The following MAPKAP1 variants were observed in gnomAD, a reference collection of about 807,000 sequenced individuals.
MAPKAP1 encodes target of rapamycin complex 2 subunit MAPKAP1.
A neutral mutation model predicts 65.7 loss-of-function variants in MAPKAP1; 20 were observed. The observed-to-expected ratio is 0.30, with a 90% CI of 0.21 to 0.44. MAPKAP1 has a LOEUF of 0.44. Among genes scored for constraint, MAPKAP1 ranks in the 20% least tolerant of loss-of-function variants. The pLI is 1.00. For missense variants in MAPKAP1, 423 were observed against 648.0 expected, an observed-to-expected ratio of 0.65 and a Z score of 3.77; for synonymous variants, 222 against 244.3, an observed-to-expected ratio of 0.91 and a Z score of 0.85.
chr9:125,526,644 C>G (rs1277883677), intron 7 of MAPKAP1, among the ~76,000 whole-genome samples: 1 of 152,152 alleles, frequency 6.6e-6, no homozygotes, highest in Non-Finnish European at 1.5e-5. Context: ...AGGGCGTTTT[C>G]AAATAGACAA....
intron 6 of MAPKAP1, among the ~76,000 whole-genome samples, chr9:125,547,871 C>T (rs1029246299): frequency 6.6e-6 from 1 of 152,166 alleles, no homozygotes; most frequent in Admixed American, 6.5e-5. Context: ...CAGGTATGTT[C>T]TGCCTCAACT....
intron 2 of MAPKAP1, among the ~76,000 whole-genome samples, chr9:125,672,022 C>T (rs1285663172): frequency 4.6e-5 from 7 of 152,134 alleles, no homozygotes; most frequent in East Asian, 3.9e-4. Flanking sequence ...CACTCAAAGC[C>T]AGTCCACTTG....
chr9:125,672,629 C>G lies in MAPKAP1; in HGVS notation c.-55G>C. ...CTATTTTCTCCTCTTCATATTGTTT[C>G]ACGAGCTCACCTACCTAGAAACATG... On this transcript the variant is annotated 5_prime_UTR_variant, in exon 2 of 12. Transcript: ENST00000265960. 1 of 1,581,368 alleles carries G rather than the reference C, an allele frequency of 6.3e-7. No individual in the cohort carries two copies. Among genetic ancestry groups the G allele is most frequent in the East Asian group, 2.2e-5 (1 of 44,616 alleles).
At chr9:125,594,802 C>A (rs1241528643) in intron 4 of MAPKAP1, among the ~76,000 whole-genome samples, 2 of 152,156 alleles carry the variant, frequency 1.3e-5, no homozygotes, top group African/African-American at 2.4e-5. Context: ...GGGTTTCATG[C>A]TAGCTGGCTA....
chr9:125,674,832 G>C (rs1177962116), intron 1 of MAPKAP1, among the ~76,000 whole-genome samples: 1 of 152,096 alleles, frequency 6.6e-6, no homozygotes, highest in Non-Finnish European at 1.5e-5. Context: ...AGGTATCCCT[G>C]AATCAAAAAG....
intron 7 of MAPKAP1, among the ~76,000 whole-genome samples, chr9:125,508,413 G>A (rs1259465500): frequency 6.6e-6 from 1 of 152,142 alleles, no homozygotes; most frequent in African/African-American, 2.4e-5. Context: ...AACCTGGAGG[G>A]CTGCTTTCTA....
chr9:125,693,846 T>TAC (rs1554844769), intron 1 of MAPKAP1, among the ~76,000 whole-genome samples: 2,456 of 135,518 alleles, frequency 0.018, 58 homozygotes, highest in South Asian at 0.053. Context: ...TATACACACA[T>TAC]ACACACACAC....
chr9:125,669,866 T>G lies in MAPKAP1; in HGVS notation c.301A>C (p.Ile101Leu). 1 of 1,598,482 alleles carries G rather than the reference T, an allele frequency of 6.3e-7. No homozygotes were observed. The highest frequency in any genetic ancestry group is 1.7e-5 in the Admixed American group (1 of 59,094). ...TTCCACTGAATATTTTTGCATTTGA[T>G]CTGGTTTTGTCTCTCTTTTCGGAGT... The part of the protein sequence containing the change: ...ERLRKERQNQ[I>L]KCKNIQWKER... The change falls in exon 3 of 12, where the codon ATC becomes CTC. Residue 101 changes from isoleucine to leucine, a missense_variant. Physicochemically the swap from Ile to Leu is conservative, Grantham distance 5. Transcript: ENST00000265960.
rs911722482 is a variant in MAPKAP1 at position 125,521,880 on chromosome 9, A to G, written c.959-15463T>C. The G allele has an allele frequency of 1.1e-5, 10 of 881,672 alleles. No homozygotes were observed. In the East Asian group the frequency reaches 2.5e-4, roughly 22 times the overall value. The allele number at this position is 881,672 out of a possible 1,614,324, so 54.6% of individuals were successfully genotyped here. On this transcript the variant is annotated intron_variant, in intron 7 of 11. Transcript: ENST00000265960. ...GTCAGTGGAGAGCAAGCTTAGAGCC[A>G]ATTGTTTTCAGTCAGCAGACTCTGT...
chr9:125,561,169 T>A (rs138876321), intron 5 of MAPKAP1, among the ~76,000 whole-genome samples: 14 of 152,376 alleles, frequency 9.2e-5, no homozygotes, highest in Non-Finnish European at 1.9e-4. Context: ...GATCATTTTT[T>A]GAATTAAATG....
intron 10 of MAPKAP1, among the ~76,000 whole-genome samples, chr9:125,452,177 C>T (rs1174021648): frequency 6.6e-6 from 1 of 151,930 alleles, no homozygotes; most frequent in Admixed American, 6.6e-5. Flanking sequence ...GGGCTCACTG[C>T]AATCTCTGTC....
intron 3 of MAPKAP1, among the ~76,000 whole-genome samples, chr9:125,664,633 G>A (rs1468281033): frequency 7.4e-6 from 1 of 135,822 alleles, no homozygotes; most frequent in Non-Finnish European, 1.5e-5. Flanking sequence ...GCTGAGGCAG[G>A]AGAATCATTT....
At chr9:125,508,254 T>C (rs1410333957) in intron 7 of MAPKAP1, among the ~76,000 whole-genome samples, 1 of 152,228 alleles carries the variant, frequency 6.6e-6, no homozygotes, top group Non-Finnish European at 1.5e-5. Context: ...CACCTGTCCA[T>C]GCCAACAATT....
intron 8 of MAPKAP1, among the ~76,000 whole-genome samples, chr9:125,490,830 C>G (rs1175909150): frequency 6.6e-6 from 1 of 152,068 alleles, no homozygotes; most frequent in Non-Finnish European, 1.5e-5. Flanking sequence ...AATAATGACA[C>G]TCTTCTCATT....
chr9:125,695,781 T>C (rs1207131105), intron 1 of MAPKAP1, among the ~76,000 whole-genome samples: 5 of 151,956 alleles, frequency 3.3e-5, no homozygotes, highest in African/African-American at 1.2e-4. Flanking sequence ...CAGCCTGGAA[T>C]GCAATGGCGC....
At chr9:125,630,411 C>A (rs1205855485) in intron 4 of MAPKAP1, among the ~76,000 whole-genome samples, 1 of 152,182 alleles carries the variant, frequency 6.6e-6, no homozygotes. Flanking sequence ...GGATTACAGG[C>A]ATCAGCCACC....
At chr9:125,551,862 G>A (rs541194874) in intron 6 of MAPKAP1, among the ~76,000 whole-genome samples, 1 of 152,204 alleles carries the variant, frequency 6.6e-6, no homozygotes, top group Non-Finnish European at 1.5e-5. Context: ...CCCTATCCTT[G>A]AGAGGCACTT....
In MAPKAP1 at chr9:125,447,888, C is replaced by A. The variant is rs1852779076; in HGVS notation, c.1346-3290G>T. Among the ~76,000 whole-genome samples, 1 of 152,148 alleles carries A rather than the reference C, an allele frequency of 6.6e-6. No homozygotes were observed. The highest frequency in any genetic ancestry group is 1.5e-5 in the Non-Finnish European group (1 of 68,020). ...GAGAAGGGTGAAAAAGAGGAAGATG[C>A]CACAGGGCAAGGAAACGGCATGGGC... On this transcript the variant is annotated intron_variant, in intron 10 of 11. Transcript: ENST00000265960. This position sits in a 1 kb window ranked among gnomAD's most constrained non-coding sequence, Gnocchi z 4.5.
intron 5 of MAPKAP1, among the ~76,000 whole-genome samples, chr9:125,572,226 C>G (rs772918653): frequency 9.2e-5 from 14 of 152,260 alleles, no homozygotes; most frequent in Non-Finnish European, 1.2e-4. Flanking sequence ...GGTCCAGGAG[C>G]CCCAAGTTAT....
Sources: gnomAD v4.1 joint callset for allele counts (sites outside exome capture counted in the v4.1 genomes callset) on GRCh38, gnomAD v4.1.1 for gene constraint, Gnocchi (gnomAD v3.1) non-coding constraint, MANE v1.5 for transcripts, NCBI Gene and HGNC (gene_info 2026-07-23, HGNC 2026-07-21) for gene names.